The following CDH8 variants were observed in gnomAD, a reference collection of about 807,000 sequenced individuals.
The protein encoded by CDH8 is cadherin-8.
Under a neutral mutation model 68.1 loss-of-function variants are expected in CDH8, and 17 were observed. That is an observed-to-expected ratio of 0.25 (90% CI 0.17 to 0.37). The LOEUF is 0.37. Ranked by LOEUF, CDH8 falls within the 10% of genes least tolerant of loss-of-function variation. CDH8 has a pLI of 1.00. For missense variants in CDH8, 763 were observed against 999.3 expected, an observed-to-expected ratio of 0.76 and a Z score of 3.19; for synonymous variants, 372 against 365.1, an observed-to-expected ratio of 1.02 and a Z score of -0.21.
intron 8 of CDH8, among the ~76,000 whole-genome samples, chr16:61,779,739 T>C (rs1198104633): frequency 2.6e-5 from 4 of 152,286 alleles, no homozygotes; most frequent in Admixed American, 1.3e-4. Flanking sequence ...AGTTCTGCTA[T>C]GTTTATTAGG....
At chr16:62,005,009 G>A (rs1023353787) in intron 2 of CDH8, among the ~76,000 whole-genome samples, 12 of 152,174 alleles carry the variant, frequency 7.9e-5, no homozygotes, top group African/African-American at 2.9e-4. Context: ...AAGTAAGAAC[G>A]CTTTCTTCTG....
chr16:61,981,671 T>TGC (rs1024105536), intron 2 of CDH8, among the ~76,000 whole-genome samples: 1 of 151,694 alleles, frequency 6.6e-6, no homozygotes, highest in African/African-American at 2.4e-5. Flanking sequence ...TGTGTGTGTG[T>TGC]GTGTGTGTGT....
intron 2 of CDH8, among the ~76,000 whole-genome samples, chr16:61,949,655 T>A (rs2143577181): frequency 6.6e-6 from 1 of 152,016 alleles, no homozygotes; most frequent in East Asian, 1.9e-4. Context: ...CATCTATTAA[T>A]ACCTTATAGG....
chr16:61,764,776 C>T (rs1284466982), intron 8 of CDH8, among the ~76,000 whole-genome samples: 1 of 151,888 alleles, frequency 6.6e-6, no homozygotes, highest in African/African-American at 2.4e-5. Context: ...ATACAAATAC[C>T]CCATCATGTA....
chr16:61,977,163 T>C (rs553932043), intron 2 of CDH8, among the ~76,000 whole-genome samples: 4 of 152,166 alleles, frequency 2.6e-5, no homozygotes, highest in Non-Finnish European at 5.9e-5. Flanking sequence ...TTCCCAGCCA[T>C]GTGGCAGTTA....
intron 8 of CDH8, among the ~76,000 whole-genome samples, chr16:61,762,285 G>GGTTATAGTATTGTACTATAGTATT (rs1342266690): frequency 2.0e-5 from 3 of 152,078 alleles, no homozygotes; most frequent in Non-Finnish European, 2.9e-5. Flanking sequence ...TGAATATTCT[G>GGTTATAGTATTGTACTATAGTATT]GTTATAGTAT....
intron 1 of CDH8, among the ~76,000 whole-genome samples, chr16:62,034,431 A>C (rs368893671): frequency 1.3e-5 from 2 of 152,140 alleles, no homozygotes; most frequent in African/African-American, 4.8e-5. Flanking sequence ...CCTATAATAA[A>C]GCCTGAGGTG....
intron 3 of CDH8, among the ~76,000 whole-genome samples, chr16:61,890,733 T>A (rs140691505): frequency 6.6e-6 from 1 of 152,168 alleles, no homozygotes; most frequent in Non-Finnish European, 1.5e-5. Flanking sequence ...AATCAAGTGA[T>A]GTTTTTCATC....
At chr16:61,908,789 T>C (rs1964107199) in intron 2 of CDH8, among the ~76,000 whole-genome samples, 1 of 152,190 alleles carries the variant, frequency 6.6e-6, no homozygotes. Context: ...TTATCTTTCA[T>C]TCGGTCCTTC....
At chr16:62,006,066 G>C (rs1965969426) in intron 2 of CDH8, among the ~76,000 whole-genome samples, 1 of 152,122 alleles carries the variant, frequency 6.6e-6, no homozygotes, top group Non-Finnish European at 1.5e-5. Flanking sequence ...TAATGCTGAT[G>C]GATTCACAAA....
At chr16:61,817,376 G>C in intron 7 of CDH8, 103 bp downstream of exon 7, 1 of 1,116,708 alleles carries the variant, frequency 9.0e-7, no homozygotes, top group Non-Finnish European at 1.3e-6. Flanking sequence ...GGTCATGTGA[G>C]CATAGTCCCA....
chr16:61,852,329 A>C (rs901774743), intron 4 of CDH8, among the ~76,000 whole-genome samples: 1 of 152,100 alleles, frequency 6.6e-6, no homozygotes, highest in Non-Finnish European at 1.5e-5. Flanking sequence ...CTGTATATAC[A>C]CAATGATTTG....
At chr16:61,899,045 G>T (rs1597050973) in intron 3 of CDH8, among the ~76,000 whole-genome samples, 1 of 152,094 alleles carries the variant, frequency 6.6e-6, no homozygotes, top group East Asian at 1.9e-4. Flanking sequence ...TTGTTACATA[G>T]GTATGCACGT....
At chr16:61,895,366 T>C (rs373725406) in intron 3 of CDH8, among the ~76,000 whole-genome samples, 8 of 152,254 alleles carry the variant, frequency 5.3e-5, no homozygotes, top group East Asian at 3.9e-4. Flanking sequence ...TATCTGACTT[T>C]ATATTATGTA....
intron 2 of CDH8, among the ~76,000 whole-genome samples, chr16:61,995,346 G>T (rs571528251): frequency 2.6e-5 from 4 of 152,074 alleles, no homozygotes; most frequent in Non-Finnish European, 5.9e-5. Flanking sequence ...GCAATAGATC[G>T]GCCTGTCTGG....
chr16:61,851,212 C>T, intron 4 of CDH8, among the ~76,000 whole-genome samples: 1 of 152,104 alleles, frequency 6.6e-6, no homozygotes, highest in Middle Eastern at 3.4e-3. Flanking sequence ...CATGTATTAT[C>T]TTGATTTTTC....
At chr16:62,028,048 A>G (rs1597135164) in intron 1 of CDH8, among the ~76,000 whole-genome samples, 1 of 148,616 alleles carries the variant, frequency 6.7e-6, no homozygotes, top group Non-Finnish European at 1.5e-5. Context: ...CCAGAATAAT[A>G]TCTGTCAAAT....
chr16:61,994,815 T>C (rs923885641), intron 2 of CDH8, among the ~76,000 whole-genome samples: 4 of 152,208 alleles, frequency 2.6e-5, no homozygotes. Context: ...AGAGAACATA[T>C]TTCTCAATTC....
intron 2 of CDH8, among the ~76,000 whole-genome samples, chr16:61,993,316 C>CTTTA (rs1274777980): frequency 1.7e-4 from 26 of 152,040 alleles, no homozygotes; most frequent in Admixed American, 4.6e-4. Flanking sequence ...CTCCAGCACT[C>CTTTA]TTTATTTATT....
Sources: allele counts gnomAD v4.1 joint callset (sites outside exome capture counted in the v4.1 genomes callset), GRCh38; gene constraint gnomAD v4.1.1; transcripts MANE v1.5; gene names NCBI Gene and HGNC (gene_info 2026-07-23, HGNC 2026-07-21).